Variants in PLCB4 observed in about 807,000 individuals in gnomAD.
PLCB4 encodes the protein phospholipase C beta 4.
In PLCB4, 77 loss-of-function variants were observed where a neutral mutation model predicts 178.8. That is an observed-to-expected ratio of 0.43 (90% CI 0.36 to 0.52). PLCB4 has a LOEUF of 0.52. Ranked by LOEUF, PLCB4 falls within the 20% of genes least tolerant of loss-of-function variation. The pLI is 0.00. For missense variants in PLCB4, 1,024 were observed against 1,453.4 expected, an observed-to-expected ratio of 0.70 and a Z score of 4.80; for synonymous variants, 496 against 490.8, an observed-to-expected ratio of 1.01 and a Z score of -0.14.
At chr20:9,286,557 G>A (rs1368267390) in intron 3 of PLCB4, among the ~76,000 whole-genome samples, 2 of 152,058 alleles carry the variant, frequency 1.3e-5, no homozygotes, top group Non-Finnish European at 2.9e-5. Flanking sequence ...AATGCCAGTT[G>A]TGTGGCCAAT....
chr20:9,336,878 T>C (rs770715996), intron 4 of PLCB4, among the ~76,000 whole-genome samples: 6 of 152,202 alleles, frequency 3.9e-5, no homozygotes, highest in Non-Finnish European at 8.8e-5. Context: ...CTTTCATGCT[T>C]TCAGTCAGTA....
chr20:9,444,809 T>C (rs1439047834), intron 32 of PLCB4, among the ~76,000 whole-genome samples: 1 of 152,008 alleles, frequency 6.6e-6, no homozygotes, highest in East Asian at 1.9e-4. Flanking sequence ...ATATAAAATA[T>C]TGAAGACCAG....
At chr20:9,316,221 C>G (rs2094897500) in intron 4 of PLCB4, among the ~76,000 whole-genome samples, 1 of 152,112 alleles carries the variant, frequency 6.6e-6, no homozygotes, top group South Asian at 2.1e-4. Flanking sequence ...TGCGCATTCT[C>G]AGGCCCATCC....
chr20:9,414,469 G>A (rs879439537), intron 25 of PLCB4, among the ~76,000 whole-genome samples: 1 of 152,206 alleles, frequency 6.6e-6, no homozygotes, highest in Non-Finnish European at 1.5e-5. Context: ...CACCTGCAAA[G>A]ACTTTTAAAA....
intron 9 of PLCB4, among the ~76,000 whole-genome samples, chr20:9,365,884 G>C (rs139857814): frequency 6.6e-6 from 1 of 152,288 alleles, no homozygotes; most frequent in East Asian, 1.9e-4. Context: ...ACCTACTGTG[G>C]AAGGGTGTGG....
intron 25 of PLCB4, among the ~76,000 whole-genome samples, chr20:9,411,720 A>AT (rs769786315): frequency 6.2e-5 from 8 of 130,064 alleles, no homozygotes; most frequent in East Asian, 2.1e-4. Context: ...TTCTCTTGAG[A>AT]TAAAAAAAAA....
At chr20:9,237,836 G>A (rs1043161430) in intron 3 of PLCB4, among the ~76,000 whole-genome samples, 1 of 151,884 alleles carries the variant, frequency 6.6e-6, no homozygotes, top group East Asian at 1.9e-4. Context: ...GGGAGTTATA[G>A]TGGAATCTTT....
At chr20:9,357,322 T>G (rs2064183) in intron 7 of PLCB4, among the ~76,000 whole-genome samples, 8,786 of 152,224 alleles carry the variant, frequency 0.058, 583 homozygotes, top group East Asian at 0.19. Context: ...AATGTGAACT[T>G]CAATCCCCTA....
At chr20:9,302,207 G>A (rs1043456444) in intron 3 of PLCB4, among the ~76,000 whole-genome samples, 2 of 151,862 alleles carry the variant, frequency 1.3e-5, no homozygotes, top group African/African-American at 4.8e-5. Context: ...GCTGTGGGTT[G>A]GGATTTGAGA....
Position 9,228,416 on chromosome 20 carries a change from T to G in PLCB4, c.-16+10964T>G, listed in dbSNP as rs139034421. ...ATTCCTTTTTGAGTAGAGGAGACTATGTAGGATTTTCCTTTTGGAAAGAAC... is the reference window on the plus strand; with the variant it reads ...ATTCCTTTTTGAGTAGAGGAGACTAGGTAGGATTTTCCTTTTGGAAAGAAC... On this transcript the variant is annotated intron_variant, in intron 3 of 39. Transcript: ENST00000378473. 2.4e-3 allele frequency among the ~76,000 whole-genome samples: 362 copies of G among 152,266 alleles called. 1 individual carries two copies. The highest frequency in any genetic ancestry group is 8.3e-3 in the African/African-American group (343 of 41,566).
chr20:9,449,562 T>G (rs577634797), intron 32 of PLCB4, among the ~76,000 whole-genome samples: 1 of 152,336 alleles, frequency 6.6e-6, no homozygotes, highest in South Asian at 2.1e-4. Flanking sequence ...TCTTTTACTA[T>G]CGGCGTCTAA....
At chr20:9,075,840 A>G (rs1167521129) in intron 1 of PLCB4, among the ~76,000 whole-genome samples, 1 of 152,204 alleles carries the variant, frequency 6.6e-6, no homozygotes, top group Non-Finnish European at 1.5e-5. Flanking sequence ...ATGGAAAACA[A>G]ACCTGTCAGC....
At chr20:9,124,386 G>A (rs960614817) in intron 2 of PLCB4, among the ~76,000 whole-genome samples, 5 of 152,076 alleles carry the variant, frequency 3.3e-5, no homozygotes, top group African/African-American at 1.2e-4. Flanking sequence ...CAGCTAATTG[G>A]GAGGCTGAGA....
intron 3 of PLCB4, among the ~76,000 whole-genome samples, chr20:9,226,162 G>A (rs917789528): frequency 1.3e-5 from 2 of 152,290 alleles, no homozygotes; most frequent in South Asian, 2.1e-4. Flanking sequence ...GACCCTTTCC[G>A]TATGGCTGGA....
chr20:9,304,772 G>GT (rs11087840), intron 3 of PLCB4, among the ~76,000 whole-genome samples: 101,640 of 151,714 alleles, frequency 0.67, 34,293 homozygotes, highest in Middle Eastern at 0.76. Context: ...CTTGAAGTCT[G>GT]TTTGTCTCAT....
At chr20:9,429,842 G>T (rs1000158765) in intron 28 of PLCB4, among the ~76,000 whole-genome samples, 3 of 152,142 alleles carry the variant, frequency 2.0e-5, no homozygotes, top group Admixed American at 6.5e-5. Context: ...CTTTGGCAGA[G>T]AATTTTTGTC....
chr20:9,087,785 C>A (rs2090500775), intron 1 of PLCB4, among the ~76,000 whole-genome samples: 1 of 152,186 alleles, frequency 6.6e-6, no homozygotes, highest in South Asian at 2.1e-4. Context: ...TTTTGGAGAG[C>A]CCTTGCAGGT....
intron 5 of PLCB4, among the ~76,000 whole-genome samples, 188 bp from the exon 6 acceptor site, chr20:9,337,820 G>T (rs892319163): frequency 7.2e-5 from 11 of 151,924 alleles, no homozygotes; most frequent in Non-Finnish European, 1.5e-4. Context: ...TATGTGAAAT[G>T]GAATACTTGG....
At chr20:9,088,140 CA>C (rs2090515935) in intron 1 of PLCB4, among the ~76,000 whole-genome samples, 1 of 151,286 alleles carries the variant, frequency 6.6e-6, no homozygotes, top group African/African-American at 2.4e-5. Flanking sequence ...TCTGTCATTG[CA>C]GATAGCCTCA....
Sources: gnomAD v4.1 joint callset for allele counts (sites outside exome capture counted in the v4.1 genomes callset) on GRCh38, gnomAD v4.1.1 for gene constraint, MANE v1.5 for transcripts, NCBI Gene and HGNC (gene_info 2026-07-23, HGNC 2026-07-21) for gene names.